CFAP221: variants seen among roughly 807,000 people sequenced by gnomAD.
CFAP221 encodes cilia- and flagella-associated protein 221.
Under a neutral mutation model 113.1 loss-of-function variants are expected in CFAP221, and 97 were observed. That is an observed-to-expected ratio of 0.86 (90% confidence interval 0.73 to 1.02). The LOEUF (loss-of-function observed/expected upper bound fraction) is 1.02, where lower values mean the gene tolerates loss of function less well. Ranked by LOEUF, CFAP221 falls within the 50% of genes least tolerant of loss-of-function variation. The pLI is 0.00. For missense variants in CFAP221, 1,025 were observed against 1,013.4 expected (o/e 1.01, Z -0.16); for synonymous variants, 331 against 354.4 (o/e 0.93, Z 0.74).
At position 119,625,779 on chromosome 2, in the gene CFAP221, TA is replaced by T. The variant is rs764940458; in HGVS notation, c.1516+97del. The T allele has an allele frequency of 3.6e-5, 39 of 1,089,698 alleles. 1 individual carries two copies. 67.5% of individuals were successfully genotyped at this position (1,089,698 alleles called of 1,614,324 possible). A position where few individuals can be genotyped will look rare whatever the true frequency, so the allele number is the denominator to read the frequency against. ...TAGAATGAAGTTAGCTCTATGCAAA[TA>T]AAAAATTTTCACCAGTCACAAATGT... On this transcript the variant is annotated intron_variant, in intron 15 of 23. Transcript: ENST00000413369.
chr2:119,605,710 T>C (rs1684700163), intron 11 of CFAP221, among the ~76,000 whole-genome samples: 1 of 152,198 alleles, frequency 6.6e-6, no homozygotes, highest in Admixed American at 6.5e-5. Context: ...ATGGAGGTTT[T>C]AAAACTGAGA....
chr2:119,574,400 A>C (rs17659633), intron 6 of CFAP221, among the ~76,000 whole-genome samples: 5,937 of 152,300 alleles, frequency 0.039, 159 homozygotes, highest in Non-Finnish European at 0.059. Context: ...GAAGTAAGAA[A>C]CTTTAAACTA....
At chr2:119,546,640 C>T (rs1421664368) in intron 2 of CFAP221, among the ~76,000 whole-genome samples, 1 of 152,154 alleles carries the variant, frequency 6.6e-6, no homozygotes, top group African/African-American at 2.4e-5. Flanking sequence ...AAACTCCCAA[C>T]AGTCCCCCTT....
chr2:119,550,981 T>G (rs1052388418), intron 3 of CFAP221, among the ~76,000 whole-genome samples: 74 of 152,204 alleles, frequency 4.9e-4, no homozygotes, highest in African/African-American at 1.7e-3. Context: ...TCCTGGACAT[T>G]TCATATGAAC....
At chr2:119,592,237 G>A (rs1374996468) in intron 7 of CFAP221, among the ~76,000 whole-genome samples, 1 of 152,176 alleles carries the variant, frequency 6.6e-6, no homozygotes. Flanking sequence ...ACTTGATATT[G>A]ACTGAAGAAA....
intron 13 of CFAP221, among the ~76,000 whole-genome samples, chr2:119,613,675 AT>A (rs1223758680): frequency 6.6e-6 from 1 of 152,044 alleles, no homozygotes; most frequent in Non-Finnish European, 1.5e-5. Flanking sequence ...CCACAAAACC[AT>A]TTTTCCCTCC....
chr2:119,560,258 C>T (rs1288329671), intron 5 of CFAP221, among the ~76,000 whole-genome samples: 3 of 152,096 alleles, frequency 2.0e-5, no homozygotes, highest in Admixed American at 6.5e-5. Flanking sequence ...AGTCAGGAGA[C>T]GCGGTTTGCT....
chr2:119,576,382 G>A (rs541665908), intron 6 of CFAP221, among the ~76,000 whole-genome samples: 3 of 152,192 alleles, frequency 2.0e-5, no homozygotes, highest in African/African-American at 7.2e-5. Flanking sequence ...AGGCCCCAGG[G>A]TGTGTTGTTC....
chr2:119,588,798 G>C (rs1001755508), intron 7 of CFAP221, among the ~76,000 whole-genome samples: 4 of 152,290 alleles, frequency 2.6e-5, no homozygotes, highest in African/African-American at 9.6e-5. Flanking sequence ...AGAGAGAGGG[G>C]AGTGCTAGGG....
intron 6 of CFAP221, among the ~76,000 whole-genome samples, chr2:119,574,443 AC>A (rs1311352303): frequency 6.6e-6 from 1 of 152,236 alleles, no homozygotes; most frequent in Non-Finnish European, 1.5e-5. Context: ...ATGAATTCCC[AC>A]GAATATTTAA....
chr2:119,632,105 C>T (rs1321413135), intron 19 of CFAP221, among the ~76,000 whole-genome samples: 1 of 152,104 alleles, frequency 6.6e-6, no homozygotes, highest in Non-Finnish European at 1.5e-5. Context: ...AATACAAAAT[C>T]TACACGAGCT....
chr2:119,587,115 G>C lies in CFAP221; in HGVS notation c.528-4G>C. On this transcript the variant is annotated splice_polypyrimidine_tract_variant and splice_region_variant and intron_variant, in intron 6 of 23. Transcript: ENST00000413369. ...TTTTATTTTCTTTTTTGTTTGTTTT[G>C]CAGCAAAACTTATGTTATTCCTTTG... 1.3e-6 allele frequency: 2 copies of C among 1,489,806 alleles called. No individual in the cohort carries two copies. The highest frequency in any genetic ancestry group is 1.8e-6 in the Non-Finnish European group (2 of 1,127,442). 92.3% of individuals were successfully genotyped at this position (1,489,806 alleles called of 1,614,324 possible). A position where few individuals can be genotyped will look rare whatever the true frequency, so the allele number is the denominator to read the frequency against.
chr2:119,550,207 T>C (rs1680322482), intron 3 of CFAP221, among the ~76,000 whole-genome samples: 1 of 152,214 alleles, frequency 6.6e-6, no homozygotes, highest in African/African-American at 2.4e-5. Flanking sequence ...AGACTACTTT[T>C]AGATGTACGC....
Position 119,583,836 on chromosome 2 carries a change from A to C in CFAP221, c.528-3283A>C, listed in dbSNP as rs1683018290. Among the ~76,000 whole-genome samples the C allele has an allele frequency of 2.0e-5, 3 of 152,226 alleles. No individual in the cohort carries two copies. In the South Asian group the frequency reaches 6.2e-4, roughly 31 times the overall value. ...GCTTCGTAGCCCCTTCCATTATGCG[A>C]AGACACAGTGAAAAGATGGTCATCT... On this transcript the variant is annotated intron_variant, in intron 6 of 23. Transcript: ENST00000413369.
downstream of CFAP221, chr2:119,660,101 C>T (rs932210944): frequency 1.3e-5 from 2 of 152,214 alleles, no homozygotes; most frequent in African/African-American, 2.4e-5. Context: ...AGTGCATGTA[C>T]TTATGTCCAT....
intron 3 of CFAP221, among the ~76,000 whole-genome samples, chr2:119,553,400 A>G (rs968967183): frequency 1.3e-5 from 2 of 152,196 alleles, no homozygotes; most frequent in African/African-American, 4.8e-5. Context: ...AAGAATATCA[A>G]CGTAAGGAAC....
intron 2 of CFAP221, among the ~76,000 whole-genome samples, chr2:119,548,150 G>A (rs1339283694): frequency 6.6e-6 from 1 of 152,042 alleles, no homozygotes; most frequent in East Asian, 1.9e-4. Flanking sequence ...TTTTTGCAGA[G>A]ACATGGTCTC....
chr2:119,636,877 C>T (rs1687148285), intron 19 of CFAP221, among the ~76,000 whole-genome samples: 1 of 152,130 alleles, frequency 6.6e-6, no homozygotes, highest in Non-Finnish European at 1.5e-5. Flanking sequence ...GGAGACAGTG[C>T]CATTGCCATT....
At chr2:119,640,526 G>A (rs1039343256) in intron 21 of CFAP221, among the ~76,000 whole-genome samples, 1 of 152,150 alleles carries the variant, frequency 6.6e-6, no homozygotes, top group Non-Finnish European at 1.5e-5. Flanking sequence ...CTGGCCAATC[G>A]CTGACTCCTG....
Sources: gnomAD v4.1 joint callset for allele counts (sites outside exome capture counted in the v4.1 genomes callset) on GRCh38, gnomAD v4.1.1 for gene constraint, MANE v1.5 for transcripts, NCBI Gene and HGNC (gene_info 2026-07-23, HGNC 2026-07-21) for gene names.